Variants in BBX observed in about 807,000 individuals in gnomAD.
BBX encodes the protein BBX high mobility group box domain containing, also known as HMG box transcription factor BBX.
A neutral mutation model predicts 100.2 loss-of-function variants in BBX; 30 were observed. That is an observed-to-expected ratio of 0.30 (90% CI 0.22 to 0.41). The LOEUF (loss-of-function observed/expected upper bound fraction) is 0.41. BBX is among the 10% of genes least tolerant of loss of function. The probability of loss-of-function intolerance (pLI) is 1.00; values close to 1 mark genes in which losing one functional copy is unlikely to be tolerated. For synonymous variants in BBX, 376 were observed against 388.1 expected (o/e 0.97, Z 0.37); for missense variants, 1,023 against 1,129.8 (o/e 0.91, Z 1.35).
chr3:107,567,421 A>G (rs2051002857), intron 2 of BBX, among the ~76,000 whole-genome samples: 1 of 152,068 alleles, frequency 6.6e-6, no homozygotes, highest in Non-Finnish European at 1.5e-5. Context: ...TTTCAAAGCT[A>G]TATTGTTAAG....
chr3:107,686,535 G>A (rs377728406), intron 3 of BBX, among the ~76,000 whole-genome samples: 1 of 152,078 alleles, frequency 6.6e-6, no homozygotes, highest in Admixed American at 6.6e-5. Flanking sequence ...AATAGTGACA[G>A]TAGTTGTCTG....
intron 2 of BBX, among the ~76,000 whole-genome samples, chr3:107,584,103 ATT>A (rs1419880840): frequency 4.5e-5 from 1 of 21,986 alleles, no homozygotes; most frequent in Non-Finnish European, 8.4e-5. Flanking sequence ...TATTATATAT[ATT>A]ATATATTATA....
At chr3:107,524,617 G>C (rs1426339659) in intron 1 of BBX, 5 of 99,332 alleles carry the variant, frequency 5.0e-5, no homozygotes, top group African/African-American at 1.2e-4. Context: ...ACGACAGAGG[G>C]GGGGGGGGGG....
At chr3:107,801,532 G>A (rs1453062190) in intron 17 of BBX, among the ~76,000 whole-genome samples, 1 of 152,180 alleles carries the variant, frequency 6.6e-6, no homozygotes, top group Non-Finnish European at 1.5e-5. Context: ...AAAAGCCTGA[G>A]AGCAGGGAAG....
At chr3:107,579,119 C>T (rs2052058825) in intron 2 of BBX, among the ~76,000 whole-genome samples, 1 of 152,144 alleles carries the variant, frequency 6.6e-6, no homozygotes, top group African/African-American at 2.4e-5. Flanking sequence ...TTTTTTCTCA[C>T]TTTCACATTG....
At chr3:107,544,692 G>T (rs1038891705) in intron 2 of BBX, among the ~76,000 whole-genome samples, 1 of 151,510 alleles carries the variant, frequency 6.6e-6, no homozygotes, top group Admixed American at 6.6e-5. Context: ...CCAACATAGC[G>T]AAACCCCATC....
chr3:107,715,033 C>G (rs2062004712), intron 4 of BBX, among the ~76,000 whole-genome samples: 1 of 152,194 alleles, frequency 6.6e-6, no homozygotes, highest in Non-Finnish European at 1.5e-5. Context: ...ATCCTCCCAC[C>G]TTGGCCTCCC....
chr3:107,548,337 G>A (rs1436132203), intron 2 of BBX, among the ~76,000 whole-genome samples: 1 of 152,070 alleles, frequency 6.6e-6, no homozygotes, highest in Non-Finnish European at 1.5e-5. Flanking sequence ...TTCGTTAGAC[G>A]TGTTTAGCGT....
intron 2 of BBX, among the ~76,000 whole-genome samples, chr3:107,541,473 T>C (rs1392471052): frequency 6.6e-6 from 1 of 152,220 alleles, no homozygotes; most frequent in African/African-American, 2.4e-5. Flanking sequence ...TGGGTGTACT[T>C]AAATTTATTT....
chr3:107,788,649 C>G (rs1164021522), intron 13 of BBX, among the ~76,000 whole-genome samples: 2 of 152,008 alleles, frequency 1.3e-5, no homozygotes, highest in African/African-American at 4.8e-5. Flanking sequence ...GTGATCCCCA[C>G]CTGTAGTCCT....
intron 15 of BBX, among the ~76,000 whole-genome samples, chr3:107,795,292 T>A (rs1576850507): frequency 6.6e-6 from 1 of 152,280 alleles, no homozygotes; most frequent in East Asian, 1.9e-4. Flanking sequence ...GAAAATTACT[T>A]CTCGGATACA....
intron 11 of BBX, 106 bp from the exon 12 acceptor site, chr3:107,774,613 T>G: frequency 8.1e-7 from 1 of 1,229,482 alleles, no homozygotes; most frequent in Non-Finnish European, 1.1e-6. Flanking sequence ...GTTAGCTTCA[T>G]GCAAATGATA....
chr3:107,721,508 A>G (rs1029680327), intron 5 of BBX, among the ~76,000 whole-genome samples: 1 of 151,870 alleles, frequency 6.6e-6, no homozygotes, highest in African/African-American at 2.4e-5. Context: ...GCCCCACCAC[A>G]TTTGTGGAAT....
chr3:107,673,536 C>A (rs1440893412), intron 3 of BBX, among the ~76,000 whole-genome samples: 1 of 151,950 alleles, frequency 6.6e-6, no homozygotes, highest in Non-Finnish European at 1.5e-5. Flanking sequence ...TTGTATAATT[C>A]CCCAGAAAAA....
At chr3:107,533,963 G>A (rs539095657) in intron 2 of BBX, among the ~76,000 whole-genome samples, 3 of 152,230 alleles carry the variant, frequency 2.0e-5, no homozygotes, top group African/African-American at 7.2e-5. Context: ...ATTATGAAAT[G>A]TTCAGATCTT....
chr3:107,585,143 G>A (rs955299833), intron 2 of BBX, among the ~76,000 whole-genome samples: 9 of 152,076 alleles, frequency 5.9e-5, no homozygotes, highest in Non-Finnish European at 1.0e-4. Context: ...AGTAATCCAC[G>A]TGGAGGAAAC....
intron 3 of BBX, among the ~76,000 whole-genome samples, chr3:107,705,243 G>A (rs9846246): frequency 0.6 from 90,887 of 151,906 alleles, 29,115 homozygotes; most frequent in African/African-American, 0.79. Context: ...TAGAATATGT[G>A]GTTGTCTAGC....
At chr3:107,692,332 C>A (rs915613844) in intron 3 of BBX, among the ~76,000 whole-genome samples, 1 of 152,058 alleles carries the variant, frequency 6.6e-6, no homozygotes, top group Non-Finnish European at 1.5e-5. Flanking sequence ...CCTCTCAATG[C>A]TATCCCTCCC....
chr3:107,735,998 C>A (rs187574407), intron 7 of BBX, among the ~76,000 whole-genome samples: 1 of 151,822 alleles, frequency 6.6e-6, no homozygotes, highest in Admixed American at 6.6e-5. Context: ...TGCACATAAT[C>A]GGCCTTGTTT....
Sources: allele counts gnomAD v4.1 joint callset (sites outside exome capture counted in the v4.1 genomes callset), GRCh38; gene constraint gnomAD v4.1.1; transcripts MANE v1.5; gene names NCBI Gene and HGNC (gene_info 2026-07-23, HGNC 2026-07-21).